The following ERAP2 variants were observed in gnomAD, a reference collection of about 807,000 sequenced individuals.
The protein encoded by ERAP2 is leukocyte-derived arginine aminopeptidase.
A neutral mutation model predicts 111.1 loss-of-function variants in ERAP2; 118 were observed. The observed-to-expected ratio is 1.06, with a 90% CI of 0.92 to 1.24. The LOEUF is 1.24. ERAP2 is among the 50% of genes most tolerant of loss of function. ERAP2 has a pLI of 0.00. For missense variants in ERAP2, 1,131 were observed against 1,125.8 expected (o/e 1.00, Z -0.07); for synonymous variants, 410 against 401.2 (o/e 1.02, Z -0.26).
intron 5 of ERAP2, among the ~76,000 whole-genome samples, chr5:96,891,450 T>TAC (rs200106988): frequency 3.4e-5 from 5 of 148,618 alleles, no homozygotes; most frequent in Non-Finnish European, 5.9e-5. Context: ...TATATGTATA[T>TAC]ACACACACAC....
At chr5:96,885,470 T>C (rs1410116711) in intron 3 of ERAP2, among the ~76,000 whole-genome samples, 1 of 152,238 alleles carries the variant, frequency 6.6e-6, no homozygotes, top group Admixed American at 6.5e-5. Context: ...TACCTTCCTC[T>C]TTATTGGAGC....
intron 13 of ERAP2, among the ~76,000 whole-genome samples, chr5:96,905,200 G>A (rs1415818055): frequency 6.6e-6 from 1 of 152,070 alleles, no homozygotes; most frequent in Non-Finnish European, 1.5e-5. Context: ...TGACAACATA[G>A]AAAAGTACAC....
At position 96,919,531 on chromosome 5, in the gene ERAP2, CAG is replaced by C. The variant is rs979871706; in HGVS notation, c.*1929_*1930del. The C allele has an allele frequency of 1.8e-4, 28 of 152,240 alleles. No homozygotes were observed. Among genetic ancestry groups the C allele is most frequent in the African/African-American group, 6.0e-4 (25 of 41,500 alleles). 9.4% of individuals were successfully genotyped at this position (152,240 alleles called of 1,614,324 possible). ...CATCAACAATGTTTCCATAAATATG[CAG>C]AGTTCTTTCTTTTGTATTGTTATTT... On this transcript the variant is annotated 3_prime_UTR_variant, in exon 19 of 19. Transcript: ENST00000437043.
At chr5:96,884,750 G>A (rs1371410544) in intron 3 of ERAP2, among the ~76,000 whole-genome samples, 1 of 151,284 alleles carries the variant, frequency 6.6e-6, no homozygotes, top group Non-Finnish European at 1.5e-5. Context: ...CAGTAGAGAC[G>A]GGGTTTCACC....
intron 5 of ERAP2, among the ~76,000 whole-genome samples, chr5:96,889,927 A>G (rs1784160729): frequency 6.6e-6 from 1 of 152,158 alleles, no homozygotes; most frequent in Admixed American, 6.6e-5. Flanking sequence ...GTACAAGGTC[A>G]GCAATCTTTT....
At chr5:96,911,866 C>CAAAAAAAAAAAAAAAAAAAAAAAA (rs386358295) in intron 15 of ERAP2, among the ~76,000 whole-genome samples, 1 of 56,612 alleles carries the variant, frequency 1.8e-5, no homozygotes, top group Admixed American at 2.3e-4. Context: ...GACCCTGTCT[C>CAAAAAAAAAAAAAAAAAAAAAAAA]AAAAAAAAAA....
rs1325808847 is a variant in ERAP2 at position 96,909,637 on chromosome 5, G to A, written c.2227G>A (p.Gly743Ser). The change falls in exon 15 of 19, where the codon GGC becomes AGC. Residue 743 changes from glycine (G) to serine (S), a missense_variant. By Grantham distance (56) the Gly-to-Ser change is moderately conservative. Transcript: ENST00000437043. ...TGACAGGCAAAGCTGGAGTGACAAG[G>A]GCTCAGTCTGGGACAGGATGCTCCG... is the stretch of plus-strand genomic sequence containing the variant. ...VIDRQSWSDK[G>S]SVWDRMLRSA... 3 of 1,614,026 alleles carry A rather than the reference G, an allele frequency of 1.9e-6. No individual in the cohort carries two copies. The highest frequency in any genetic ancestry group is 2.7e-5 in the African/African-American group (2 of 74,902).
At chr5:96,910,310 G>A (rs999626915) in intron 15 of ERAP2, 1 of 151,486 alleles carries the variant, frequency 6.6e-6, no homozygotes. Context: ...TTATAAGATG[G>A]TATCATAACT....
At chr5:96,884,387 C>T (rs772405588) in intron 3 of ERAP2, among the ~76,000 whole-genome samples, 1 of 152,182 alleles carries the variant, frequency 6.6e-6, no homozygotes, top group Non-Finnish European at 1.5e-5. Context: ...TGCTGACGGT[C>T]CAGAGACCCC....
At chr5:96,898,126 C>G (rs1158458870) in intron 9 of ERAP2, among the ~76,000 whole-genome samples, 1 of 151,914 alleles carries the variant, frequency 6.6e-6, no homozygotes, top group African/African-American at 2.4e-5. Flanking sequence ...AACCCAGGAG[C>G]TGGAGGTTGC....
At position 96,879,693 on chromosome 5, in the gene ERAP2, AT is replaced by A. The variant is rs775990502; in HGVS notation, c.10del (p.Ser4LeufsTer22). 6.2e-7 allele frequency: 1 copy of A among 1,613,010 alleles called. No homozygotes were observed. Among genetic ancestry groups the A allele is most frequent in the Non-Finnish European group, 8.5e-7 (1 of 1,178,984 alleles). Reference protein sequence around the residue: MFHSSAMVNSHRK... With the variant: MFXSSAMVNSHRK... ...TTCTAGAGAATAGATTTCATGTTCC[AT>A]TCTTCTGCAATGGTTAATTCACACA... is the stretch of plus-strand genomic sequence containing the variant. On this transcript the variant is annotated frameshift_variant, in exon 2 of 19. Coordinates refer to ENST00000437043, the MANE Select transcript of ERAP2 (RefSeq NM_022350.5). LOFTEE classifies it high-confidence loss of function.
intron 17 of ERAP2, among the ~76,000 whole-genome samples, chr5:96,914,148 T>TCTCACACACACACACA (rs34158080): frequency 0.037 from 5,521 of 147,984 alleles, 177 homozygotes; most frequent in Middle Eastern, 0.12. Flanking sequence ...TCTCTCTCTC[T>TCTCACACACACACACA]CACACACACA....
intron 4 of ERAP2, among the ~76,000 whole-genome samples, chr5:96,888,129 G>GA (rs11371784): frequency 0.6 from 78,574 of 129,876 alleles, 21,346 homozygotes; most frequent in Middle Eastern, 0.66. Flanking sequence ...CATCTCAAAA[G>GA]AAAAAAAAAA....
rs1489068888 is a variant in ERAP2, at chr5:96,887,310, T to C, written c.849+521T>C. Reference sequence around the variant, plus strand: ...CATGTATGTTGTTTCCGACTTTTTTTTTTTTTTTGAGACAGAGTCTCACTC... The same window carrying C: ...CATGTATGTTGTTTCCGACTTTTTTCTTTTTTTTGAGACAGAGTCTCACTC... On this transcript the variant is annotated intron_variant, in intron 4 of 18. Coordinates refer to ENST00000437043, the MANE Select transcript of ERAP2 (RefSeq NM_022350.5). Among the ~76,000 whole-genome samples, 14 of 150,900 alleles carry C rather than the reference T, an allele frequency of 9.3e-5. 1 individual carries two copies. Among genetic ancestry groups the C allele is most frequent in the Admixed American group, 9.2e-4 (14 of 15,174 alleles).
At chr5:96,886,559 A>G (rs1783740472) in intron 3 of ERAP2, 96 bp from the exon 4 acceptor site, 1 of 1,090,776 alleles carries the variant, frequency 9.2e-7, no homozygotes, top group Non-Finnish European at 1.2e-6. Flanking sequence ...CCTTCAGAGT[A>G]TGAGGCTTGC....
chr5:96,900,421 G>T (rs1435365057), intron 10 of ERAP2, among the ~76,000 whole-genome samples: 5 of 152,154 alleles, frequency 3.3e-5, no homozygotes, highest in African/African-American at 1.2e-4. Flanking sequence ...CAACCCCACT[G>T]CTAGCTAAAA....
At chr5:96,909,864 G>GAA in intron 15 of ERAP2, 100 bp downstream of exon 15, 7 of 1,186,894 alleles carry the variant, frequency 5.9e-6, no homozygotes, top group Non-Finnish European at 7.0e-6. Context: ...AGTGAGGATA[G>GAA]AAAAAAAAAC....
chr5:96,883,997 T>A lies in ERAP2; in HGVS notation c.714+67T>A, dbSNP rs112143904. 81 of 1,449,344 alleles carry A rather than the reference T, an allele frequency of 5.6e-5. No individual in the cohort carries two copies. In the African/African-American group the frequency reaches 8.2e-4, roughly 15 times the overall value. 89.8% of individuals were successfully genotyped at this position (1,449,344 alleles called of 1,614,324 possible). A position where few individuals can be genotyped will look rare whatever the true frequency, so the allele number is the denominator to read the frequency against. On this transcript the variant is annotated intron_variant, in intron 3 of 18. Transcript: ENST00000437043. ...TGAGACTCAGTCTTCGTTTGTTTTT[T>A]AAAATTGCTTTCAGGATTTCAGCCA... is the stretch of plus-strand genomic sequence containing the variant.
intron 9 of ERAP2, 76 bp downstream of exon 9, chr5:96,896,939 T>A: frequency 7.0e-7 from 1 of 1,422,324 alleles, no homozygotes; most frequent in Non-Finnish European, 9.4e-7. Flanking sequence ...TGTTTATAAA[T>A]AGCTATATAT....
Sources: gnomAD v4.1 joint callset for allele counts (sites outside exome capture counted in the v4.1 genomes callset) on GRCh38, gnomAD v4.1.1 for gene constraint, MANE v1.5 for transcripts, NCBI Gene and HGNC (gene_info 2026-07-23, HGNC 2026-07-21) for gene names.